Variants in ITGA11 observed in about 807,000 individuals in gnomAD.
The protein encoded by ITGA11 is integrin subunit alpha 11.
Under a neutral mutation model 141.9 loss-of-function variants are expected in ITGA11, and 97 were observed. The ratio of observed to expected loss-of-function variants is 0.68; its 90% CI spans 0.58 to 0.81. ITGA11 has a LOEUF of 0.81. ITGA11 is among the 30% of genes least tolerant of loss of function. The pLI is 0.00. For missense variants in ITGA11, 1,387 were observed against 1,559.2 expected (o/e 0.89, Z 1.86); for synonymous variants, 658 against 624.6 (o/e 1.05, Z -0.80).
At position 68,308,689 on chromosome 15, in the gene ITGA11, G is replaced by A. The variant is rs368654160; in HGVS notation, c.3175-993C>T. Reference sequence around the variant, plus strand: ...ACCCGGGAGGCGGAGGTCGCAGTGAGCCGAGATCGTGCCACTGCACTCCAG... The same window carrying A: ...ACCCGGGAGGCGGAGGTCGCAGTGAACCGAGATCGTGCCACTGCACTCCAG... On this transcript the variant is annotated intron_variant, in intron 26 of 29. Transcript: ENST00000315757. This position sits in a 1 kb window ranked among gnomAD's most constrained non-coding sequence, Gnocchi z 5.2. Among the ~76,000 whole-genome samples the A allele has an allele frequency of 3.3e-5, 5 of 152,038 alleles. No individual in the cohort carries two copies. The highest frequency in any genetic ancestry group is 1.2e-4 in the African/African-American group (5 of 41,384).
rs1346416680 is a variant in ITGA11, at chr15:68,386,885, C to T, written c.164+16033G>A. Reference sequence around the variant, plus strand: ...AGACAGGCTGATGAGACTAAAGACACTGGCAGCTGCTGAGAGAAGCAGGGA... The same window carrying T: ...AGACAGGCTGATGAGACTAAAGACATTGGCAGCTGCTGAGAGAAGCAGGGA... On this transcript the variant is annotated intron_variant, in intron 2 of 29. Coordinates refer to ENST00000315757, the MANE Select transcript of ITGA11 (RefSeq NM_001004439.2). 3.3e-5 allele frequency among the ~76,000 whole-genome samples: 5 copies of T among 152,124 alleles called. No homozygotes were observed. The East Asian group carries it at 9.6e-4, about 29-fold the overall frequency.
chr15:68,296,668 C>T lies in ITGA11; in HGVS notation c.*6391G>A, dbSNP rs950298638. 3 of 151,830 alleles carry T rather than the reference C, an allele frequency of 2.0e-5. No homozygotes were observed. Among genetic ancestry groups the T allele is most frequent in the Non-Finnish European group, 2.9e-5 (2 of 67,976 alleles). 9.4% of individuals were successfully genotyped at this position (151,830 alleles called of 1,614,324 possible). ...TTCCTTAGAAGTTTGAGGACATTTT[C>T]TCTGTCATGTAATAGTTGTAGCTTA... On this transcript the variant is annotated 3_prime_UTR_variant, in exon 30 of 30. Transcript: ENST00000315757.
chr15:68,324,791 G>C lies in ITGA11; in HGVS notation c.2322+340C>G, dbSNP rs1160268586. ...CTCCATTGTCCTCATCTGTAAAGGA[G>C]GGAGGTGGGTGATTAAGATCTCCGA... On this transcript the variant is annotated intron_variant, in intron 18 of 29. Coordinates refer to ENST00000315757, the MANE Select transcript of ITGA11 (RefSeq NM_001004439.2). This position sits in a 1 kb window ranked among gnomAD's most constrained non-coding sequence, Gnocchi z 6.3. Among the ~76,000 whole-genome samples the C allele has an allele frequency of 2.0e-5, 3 of 152,166 alleles. No individual in the cohort carries two copies. Among genetic ancestry groups the C allele is most frequent in the Non-Finnish European group, 4.4e-5 (3 of 68,036 alleles).
chr15:68,331,927 C>T lies in ITGA11; in HGVS notation c.1702G>A (p.Asp568Asn). ...NDVVVGAPLE[D>N]NHAGAIYIFH... Reference sequence around the variant, plus strand: ...ATGTAGATGGCTCCTGCGTGGTTGTCCTCCAGGGGGGCTCCCACCACCACG... The same window carrying T: ...ATGTAGATGGCTCCTGCGTGGTTGTTCTCCAGGGGGGCTCCCACCACCACG... Residue 568 changes from aspartate to asparagine, a missense_variant, in exon 14 of 30, where the codon GAC becomes AAC. Asp to Asn is a conservative substitution (Grantham distance 23). Transcript: ENST00000315757. 4 of 1,613,370 alleles carry T rather than the reference C, an allele frequency of 2.5e-6. No homozygotes were observed. The highest frequency in any genetic ancestry group is 3.4e-6 in the Non-Finnish European group (4 of 1,179,760).
intron 2 of ITGA11, among the ~76,000 whole-genome samples, chr15:68,396,044 C>T (rs1211118188): frequency 6.6e-6 from 1 of 151,840 alleles, no homozygotes; most frequent in Admixed American, 6.6e-5. Context: ...ATTTTATGAG[C>T]TCTGAATAAC....
rs184630801 is a variant in ITGA11, at chr15:68,331,132, G to A, written c.1771-21C>T. On this transcript the variant is annotated intron_variant, in intron 14 of 29. Transcript: ENST00000315757. ...ATTCTCTGCAGGGCGCGGGAAGAGAGGGGGAGGGCATGCACACTGTGAGTG... is the reference window on the plus strand; with the variant it reads ...ATTCTCTGCAGGGCGCGGGAAGAGAAGGGGAGGGCATGCACACTGTGAGTG... 89 of 1,575,846 alleles carry A rather than the reference G, an allele frequency of 5.6e-5. No individual in the cohort carries two copies. The South Asian group carries it at 9.2e-4, about 16-fold the overall frequency.
Position 68,321,492 on chromosome 15 carries a change from C to T in ITGA11, c.2334G>A (p.Trp778Ter), listed in dbSNP as rs1395472301. 6.3e-7 allele frequency: 1 copy of T among 1,595,018 alleles called. No individual in the cohort carries two copies. Among genetic ancestry groups the T allele is most frequent in the Non-Finnish European group, 8.5e-7 (1 of 1,170,798 alleles). The change falls in exon 19 of 30, where the codon TGG becomes TGA. Residue 778 changes from tryptophan (W) to a stop codon, truncating the protein, a stop_gained. Coordinates refer to ENST00000315757, the MANE Select transcript of ITGA11 (RefSeq NM_001004439.2). LOFTEE classifies it high-confidence loss of function. The surrounding 1 kb of genome is among the most constrained non-coding windows in gnomAD (Gnocchi z 4.9). ...PTTLRVSVPF[W>*]NGCNEDEHCV... ...AGTGCTCATCCTCATTGCAGCCGTTCCAGAAGGGCACCTGGGCCAGGGAGA... is the reference window on the plus strand; with the variant it reads ...AGTGCTCATCCTCATTGCAGCCGTTTCAGAAGGGCACCTGGGCCAGGGAGA...
intron 1 of ITGA11, among the ~76,000 whole-genome samples, chr15:68,431,812 A>G (rs1897275956): frequency 6.6e-6 from 1 of 152,232 alleles, no homozygotes; most frequent in African/African-American, 2.4e-5. Flanking sequence ...CCGGCTTTCA[A>G]TAGCCTTCGC....
Position 68,357,175 on chromosome 15 carries a change from G to A in ITGA11, c.725C>T (p.Thr242Met), listed in dbSNP as rs369764817. The A allele has an allele frequency of 5.5e-5, 89 of 1,613,402 alleles. No homozygotes were observed. In the Middle Eastern group the frequency reaches 3.5e-3, roughly 63 times the overall value. The change falls in exon 7 of 30, where the codon ACG becomes ATG. Residue 242 changes from threonine (T) to methionine (M), a missense_variant. Transcript: ENST00000315757. The part of the protein sequence containing the change: ...IEQRGGTETR[T>M]AFGIEFARSE... ...CCGTGCAAATTCAATGCCAAATGCC[G>A]TCCGGGTCTCTGTTCCTCCTCTCTG... is the stretch of plus-strand genomic sequence containing the variant.
chr15:68,414,452 T>C (rs992234331), intron 1 of ITGA11, among the ~76,000 whole-genome samples: 6 of 152,122 alleles, frequency 3.9e-5, no homozygotes, highest in Admixed American at 2.0e-4. Context: ...ACCACTGTGG[T>C]GAGAACTAGT....
intron 4 of ITGA11, among the ~76,000 whole-genome samples, chr15:68,364,296 C>T (rs1401340855): frequency 6.6e-6 from 1 of 152,124 alleles, no homozygotes; most frequent in Non-Finnish European, 1.5e-5. Flanking sequence ...TGTGGTGCAG[C>T]CTGCTTCTTT....
intron 2 of ITGA11, among the ~76,000 whole-genome samples, chr15:68,378,567 CAGG>C (rs35051383): frequency 0.64 from 96,509 of 151,928 alleles, 34,120 homozygotes; most frequent in South Asian, 0.79. Flanking sequence ...CACTTGAGTC[CAGG>C]AGGTCAAGGC....
intron 2 of ITGA11, 96 bp downstream of exon 2, chr15:68,402,822 A>G: frequency 1.3e-6 from 1 of 773,390 alleles, no homozygotes; most frequent in Non-Finnish European, 2.2e-6. Flanking sequence ...TCTCCATGTG[A>G]GGGCCAGTGG....
intron 1 of ITGA11, among the ~76,000 whole-genome samples, chr15:68,425,552 G>T (rs2036726737): frequency 6.6e-6 from 1 of 152,312 alleles, no homozygotes; most frequent in South Asian, 2.1e-4. Context: ...GTACCCTTCT[G>T]CCTGGAGGAG....
chr15:68,431,199 C>G (rs1428761773), intron 1 of ITGA11, among the ~76,000 whole-genome samples: 1 of 152,258 alleles, frequency 6.6e-6, no homozygotes, highest in Non-Finnish European at 1.5e-5. Flanking sequence ...GGCTGGCTTC[C>G]CGCTCCCAGC....
chr15:68,412,571 G>T (rs1896798442), intron 1 of ITGA11, among the ~76,000 whole-genome samples: 3 of 151,772 alleles, frequency 2.0e-5, no homozygotes, highest in African/African-American at 4.8e-5. Flanking sequence ...CTTTCCAGTT[G>T]CTAGGGGGCA....
At chr15:68,386,507 C>T (rs1011837925) in intron 2 of ITGA11, among the ~76,000 whole-genome samples, 5 of 152,126 alleles carry the variant, frequency 3.3e-5, no homozygotes, top group Non-Finnish European at 7.4e-5. Context: ...GGGAGTCAGG[C>T]CACCATGTCT....
chr15:68,310,183 A>T (rs1210273474), intron 26 of ITGA11, among the ~76,000 whole-genome samples: 1 of 152,224 alleles, frequency 6.6e-6, no homozygotes. Flanking sequence ...TCTTAGTTAG[A>T]GTAATACCTC....
In ITGA11 at chr15:68,326,866, C is replaced by T; in HGVS notation, c.2069-70G>A. 2 of 1,488,600 alleles carry T rather than the reference C, an allele frequency of 1.3e-6. No homozygotes were observed. The highest frequency in any genetic ancestry group is 1.8e-6 in the Non-Finnish European group (2 of 1,108,548). 92.2% of individuals were successfully genotyped at this position (1,488,600 alleles called of 1,614,324 possible). ...CCCATCCAAGACTGTCTGCCTCCTC[C>T]AGGAAGCCCCCCAGGCTGGCCAGGG... On this transcript the variant is annotated intron_variant, in intron 16 of 29. Coordinates refer to ENST00000315757, the MANE Select transcript of ITGA11 (RefSeq NM_001004439.2). This position sits in a 1 kb window ranked among gnomAD's most constrained non-coding sequence, Gnocchi z 6.8.
Sources: gnomAD v4.1 joint callset for allele counts (sites outside exome capture counted in the v4.1 genomes callset) on GRCh38, gnomAD v4.1.1 for gene constraint, Gnocchi (gnomAD v3.1) non-coding constraint, MANE v1.5 for transcripts, NCBI Gene and HGNC (gene_info 2026-07-23, HGNC 2026-07-21) for gene names.